The following ABTB2 variants were observed in gnomAD, a reference collection of about 807,000 sequenced individuals.
ABTB2 encodes ankyrin repeat and BTB domain containing 2.
Under a neutral mutation model 104.1 loss-of-function variants are expected in ABTB2, and 56 were observed. That is an observed-to-expected ratio of 0.54 (90% CI 0.43 to 0.67). The LOEUF (loss-of-function observed/expected upper bound fraction) is 0.67, where lower values mean the gene tolerates loss of function less well. Ranked by LOEUF, ABTB2 falls within the 30% of genes least tolerant of loss-of-function variation. The pLI, the probability that ABTB2 is intolerant of heterozygous loss-of-function variation, is 0.00. For synonymous variants in ABTB2, 606 were observed against 608.2 expected (o/e 1.00, Z 0.05); for missense variants, 1,279 against 1,407.7 (o/e 0.91, Z 1.46).
At chr11:34,164,892 A>T in intron 8 of ABTB2, 71 bp from the exon 9 acceptor site, 4 of 1,534,650 alleles carry the variant, frequency 2.6e-6, no homozygotes, top group Non-Finnish European at 3.5e-6. Context: ...GCGAAAGGGA[A>T]GGGAGAGCAG....
At chr11:34,320,920 C>T (rs557467418) in intron 1 of ABTB2, among the ~76,000 whole-genome samples, 15 of 152,318 alleles carry the variant, frequency 9.8e-5, no homozygotes, top group East Asian at 1.9e-4. Context: ...CGGTGGCTCA[C>T]GCCTGTAATC....
At chr11:34,320,420 G>A (rs1011549678) in intron 1 of ABTB2, among the ~76,000 whole-genome samples, 8 of 152,194 alleles carry the variant, frequency 5.3e-5, no homozygotes, top group Non-Finnish European at 1.0e-4. Flanking sequence ...TCTGGTTGAT[G>A]ATTAAAACCT....
chr11:34,257,609 G>A (rs932365661), intron 1 of ABTB2, among the ~76,000 whole-genome samples: 3 of 151,732 alleles, frequency 2.0e-5, no homozygotes, highest in African/African-American at 7.3e-5. Context: ...TTTTTTTTGA[G>A]ACAGGATTTC....
chr11:34,255,719 G>A (rs796397020), intron 1 of ABTB2, among the ~76,000 whole-genome samples: 28 of 152,286 alleles, frequency 1.8e-4, no homozygotes, highest in African/African-American at 6.7e-4. Context: ...GTTTCACCAT[G>A]TTGCCCAGGC....
At chr11:34,197,624 G>A (rs1454197269) in intron 2 of ABTB2, 86 bp from the exon 3 acceptor site, 2 of 998,832 alleles carry the variant, frequency 2.0e-6, no homozygotes, top group Non-Finnish European at 2.9e-6. Flanking sequence ...TTCCAAGGAT[G>A]TTCCTGGCTG....
intron 3 of ABTB2, among the ~76,000 whole-genome samples, chr11:34,175,890 C>CT (rs1415306008): frequency 6.6e-6 from 1 of 152,202 alleles, no homozygotes. Flanking sequence ...ACGAACAGCT[C>CT]TCACCCCTGC....
In ABTB2 at chr11:34,160,960, G is replaced by A. The variant is rs374518748; in HGVS notation, c.2340C>T (p.Asn780=). Residue 780 remains asparagine, a synonymous_variant, in exon 11 of 17, where the codon AAC becomes AAT. Transcript: ENST00000435224. ...GCAAGCCCTCGGTCACCAGCTCCTC[G>A]TTGTACTCCTCCTCTCTGATGGAGC... ...DFSSIREEEY[N]EELVTEGLQL... 2.7e-4 allele frequency: 434 copies of A among 1,613,616 alleles called. 1 individual carries two copies. Among genetic ancestry groups the A allele is most frequent in the East Asian group, 2.5e-3 (110 of 44,866 alleles).
intron 1 of ABTB2, among the ~76,000 whole-genome samples, chr11:34,310,843 C>T (rs745755043): frequency 6.6e-6 from 1 of 151,748 alleles, no homozygotes; most frequent in African/African-American, 2.4e-5. Flanking sequence ...TCCTTAGTCC[C>T]TTGCACAGCT....
chr11:34,164,533 T>G (rs1217077082), intron 9 of ABTB2, among the ~76,000 whole-genome samples, 153 bp downstream of exon 9: 1 of 152,066 alleles, frequency 6.6e-6, no homozygotes, highest in African/African-American at 2.4e-5. Flanking sequence ...CAGGCTAAAC[T>G]CCCCCATGTT....
At chr11:34,296,840 C>T (rs539729982) in intron 1 of ABTB2, among the ~76,000 whole-genome samples, 5 of 152,168 alleles carry the variant, frequency 3.3e-5, no homozygotes, top group Non-Finnish European at 5.9e-5. Context: ...AGAAATAAAT[C>T]GCCACAGTTG....
chr11:34,176,816 T>C (rs1852965971), intron 3 of ABTB2, among the ~76,000 whole-genome samples: 1 of 152,178 alleles, frequency 6.6e-6, no homozygotes, highest in Non-Finnish European at 1.5e-5. Context: ...TGTTGACTCA[T>C]TAGAGTAGGA....
At chr11:34,280,404 T>G (rs2755158) in intron 1 of ABTB2, among the ~76,000 whole-genome samples, 1 of 152,120 alleles carries the variant, frequency 6.6e-6, no homozygotes, top group East Asian at 1.9e-4. Flanking sequence ...GGGTCCTCAC[T>G]GTACCCATTC....
chr11:34,154,609 G>A lies in ABTB2; in HGVS notation c.2766+92C>T. 7.6e-7 allele frequency: 1 copy of A among 1,323,256 alleles called. No individual in the cohort carries two copies. The highest frequency in any genetic ancestry group is 2.2e-4 in the Middle Eastern group (1 of 4,628). The allele number at this position is 1,323,256 out of a possible 1,614,324, so 82.0% of individuals were successfully genotyped here. ...AACTGCTCTTCCTGTCAGATGGAGA[G>A]GAAGAGCCACCTTCCCTCTGAAGGG... On this transcript the variant is annotated intron_variant, in intron 15 of 16. Coordinates refer to ENST00000435224, the MANE Select transcript of ABTB2 (RefSeq NM_145804.3). This position sits in a 1 kb window ranked among gnomAD's most constrained non-coding sequence, Gnocchi z 4.9.
intron 1 of ABTB2, among the ~76,000 whole-genome samples, chr11:34,210,600 A>C (rs1853468981): frequency 1.3e-5 from 2 of 152,020 alleles, no homozygotes; most frequent in Admixed American, 1.3e-4. Context: ...CTCTCCCCAG[A>C]CTTGTAAATG....
intron 1 of ABTB2, among the ~76,000 whole-genome samples, chr11:34,230,254 A>G (rs537866709): frequency 1.3e-5 from 2 of 152,316 alleles, no homozygotes; most frequent in East Asian, 1.9e-4. Context: ...TAACATCCAC[A>G]TCTCTATCAA....
intron 1 of ABTB2, among the ~76,000 whole-genome samples, chr11:34,228,986 G>T (rs538263504): frequency 7.2e-5 from 11 of 152,028 alleles, no homozygotes; most frequent in Admixed American, 4.6e-4. Flanking sequence ...GGGTGTGGGG[G>T]CAGGCACCTG....
At chr11:34,220,729 A>G (rs1853610544) in intron 1 of ABTB2, among the ~76,000 whole-genome samples, 1 of 152,148 alleles carries the variant, frequency 6.6e-6, no homozygotes. Flanking sequence ...AAAATAAATA[A>G]ATAATAAATA....
intron 1 of ABTB2, among the ~76,000 whole-genome samples, chr11:34,325,642 T>G (rs1855060783): frequency 1.3e-5 from 2 of 152,184 alleles, no homozygotes; most frequent in East Asian, 1.9e-4. Context: ...GGAGAGGGGA[T>G]TCTGCTGCCT....
At chr11:34,212,320 G>A (rs577492022) in intron 1 of ABTB2, among the ~76,000 whole-genome samples, 239 of 152,334 alleles carry the variant, frequency 1.6e-3, no homozygotes, top group Middle Eastern at 3.4e-3. Flanking sequence ...ACCTCCCAAA[G>A]TGCTGGGATT....
Sources: gnomAD v4.1 joint callset for allele counts (sites outside exome capture counted in the v4.1 genomes callset) on GRCh38, gnomAD v4.1.1 for gene constraint, Gnocchi (gnomAD v3.1) non-coding constraint, MANE v1.5 for transcripts, NCBI Gene and HGNC (gene_info 2026-07-23, HGNC 2026-07-21) for gene names.